Variants in CHD8 observed in about 807,000 individuals in gnomAD.
CHD8 encodes the protein ATP-dependent chromatin remodeler CHD8.
CHD8 carries 31 observed loss-of-function variants against 279.2 expected under a neutral mutation model. The observed-to-expected ratio is 0.11, with a 90% CI of 0.08 to 0.15. The LOEUF (loss-of-function observed/expected upper bound fraction) is 0.15. Ranked by LOEUF, CHD8 falls within the 10% of genes least tolerant of loss-of-function variation. The pLI, the probability that CHD8 is intolerant of heterozygous loss-of-function variation, is 1.00. For missense variants in CHD8, 2,146 were observed against 3,230.5 expected, an observed-to-expected ratio of 0.66 and a Z score of 8.14; for synonymous variants, 1,081 against 1,139.6, an observed-to-expected ratio of 0.95 and a Z score of 1.04.
In CHD8 at chr14:21,406,914, G is replaced by C; in HGVS notation, c.2849C>G (p.Ala950Gly). 6.2e-7 allele frequency: 1 copy of C among 1,613,528 alleles called. No individual in the cohort carries two copies. The highest frequency in any genetic ancestry group is 8.5e-7 in the Non-Finnish European group (1 of 1,179,716). The change falls in exon 14 of 38, where the codon GCC becomes GGC. Residue 950 changes from alanine (A) to glycine (G), a missense_variant. Around this residue, in one of 26 missense-constraint regions of CHD8, gnomAD observed 211 missense variants for 464.7 expected, o/e 0.45. Transcript: ENST00000646647. ...GCAATTACGGTTTTTCAGTCGATGG[G>C]CTTCATCAATGATAACACAACGCCA... ...IEWRCVIIDE[A>G]HRLKNRNCKL...
rs1369354810 is a variant in CHD8, at chr14:21,386,151, T to C, written c.7208A>G (p.Asn2403Ser). 3 of 1,551,922 alleles carry C rather than the reference T, an allele frequency of 1.9e-6. No individual in the cohort carries two copies. Among genetic ancestry groups the C allele is most frequent in the Non-Finnish European group, 2.6e-6 (3 of 1,147,184 alleles). Residue 2403 changes from asparagine (N) to serine (S), a missense_variant, in exon 38 of 38, where the codon AAC becomes AGC. By Grantham distance (46) the Asn-to-Ser change is conservative. Coordinates refer to ENST00000646647, the MANE Select transcript of CHD8 (RefSeq NM_001170629.2). ...TGCAATAGGCCCTGGCAAAACCCGG[T>C]TGAACACCGTTTCAGTGTGATGACC... ...KKGHHTETVF[N>S]RVLPGPIAPE...
chr14:21,391,725 T>G lies in CHD8; in HGVS notation c.6886-83A>C, dbSNP rs1348847095. ...GGGGGAGCAGGGCCAATGGTAGTCA[T>G]GAAATGACTCTAGTATTTTCCATTC... On this transcript the variant is annotated intron_variant, in intron 35 of 37. Transcript: ENST00000646647. 2.0e-6 allele frequency: 3 copies of G among 1,522,806 alleles called. No homozygotes were observed. The African/African-American group carries it at 4.1e-5, about 21-fold the overall frequency. The allele number at this position is 1,522,806 out of a possible 1,614,324, so 94.3% of individuals were successfully genotyped here.
At chr14:21,397,079 CT>C (rs1325546269) in intron 27 of CHD8, 1 of 188,014 alleles carries the variant, frequency 5.3e-6, no homozygotes, top group South Asian at 9.5e-5. Flanking sequence ...CAACTATTTA[CT>C]TTTTATTATT....
chr14:21,448,537 T>C (rs1293399545), intron 1 of CHD8, among the ~76,000 whole-genome samples: 1 of 152,102 alleles, frequency 6.6e-6, no homozygotes, highest in Non-Finnish European at 1.5e-5. Flanking sequence ...TCAAAGACAG[T>C]TTGCACACAG....
intron 30 of CHD8, 176 bp from the exon 31 acceptor site, chr14:21,394,661 G>GT (rs1170561168): frequency 3.3e-6 from 2 of 598,778 alleles, no homozygotes; most frequent in Non-Finnish European, 5.7e-6. Flanking sequence ...TCTGTAATGA[G>GT]TAAGAATTAC....
At chr14:21,399,470 C>G (rs1422413452) in intron 26 of CHD8, 132 bp downstream of exon 26, 3 of 672,472 alleles carry the variant, frequency 4.5e-6, no homozygotes, top group African/African-American at 1.8e-5. Flanking sequence ...TATTTAAGAA[C>G]TACTTTCCTA....
chr14:21,388,129 A>G (rs1270766745), intron 37 of CHD8, among the ~76,000 whole-genome samples: 2 of 152,248 alleles, frequency 1.3e-5, no homozygotes, highest in Admixed American at 6.5e-5. Context: ...TATAAAAATA[A>G]GCCTCATAAA....
chr14:21,398,856 T>C (rs1887906257), intron 26 of CHD8: 1 of 241,126 alleles, frequency 4.1e-6, no homozygotes, highest in Middle Eastern at 1.6e-3. Context: ...TTTAGACAAA[T>C]GGGACATGTA....
At chr14:21,386,245 A>G (rs1280433840) in intron 37 of CHD8, 69 bp from the exon 38 acceptor site, 2 of 1,413,088 alleles carry the variant, frequency 1.4e-6, no homozygotes, top group African/African-American at 2.9e-5. Context: ...CAAAGCCAAC[A>G]GAGTCCTAGC....
At chr14:21,417,963 G>A (rs1010524929) in intron 5 of CHD8, among the ~76,000 whole-genome samples, 3 of 150,372 alleles carry the variant, frequency 2.0e-5, no homozygotes, top group Non-Finnish European at 4.4e-5. Context: ...TGTTGAAGAT[G>A]TGTATCAACC....
Position 21,395,719 on chromosome 14 carries a change from T to G in CHD8, c.5127+98A>C, listed in dbSNP as rs577253665. 3.8e-6 allele frequency: 3 copies of G among 779,918 alleles called. No individual in the cohort carries two copies. In the South Asian group the frequency reaches 5.0e-5, roughly 13 times the overall value. 48.3% of individuals were successfully genotyped at this position (779,918 alleles called of 1,614,324 possible). A position where few individuals can be genotyped will look rare whatever the true frequency, so the allele number is the denominator to read the frequency against. On this transcript the variant is annotated intron_variant, in intron 28 of 37. Transcript: ENST00000646647. Reference sequence around the variant, plus strand: ...GTATAATTCATTTTCCATTTTGTATTATAAATTAACCAATATATTTCAAGA... The same window carrying G: ...GTATAATTCATTTTCCATTTTGTATGATAAATTAACCAATATATTTCAAGA...
At chr14:21,416,446 A>G (rs1888728879) in intron 5 of CHD8, 1 of 152,314 alleles carries the variant, frequency 6.6e-6, no homozygotes, top group Admixed American at 6.5e-5. Flanking sequence ...AAGTAATTTA[A>G]GCAACACTTC....
chr14:21,431,888 A>G (rs1889579126), intron 1 of CHD8, 30 bp from the exon 2 acceptor site: 3 of 1,517,182 alleles, frequency 2.0e-6, no homozygotes, highest in Non-Finnish European at 2.7e-6. Flanking sequence ...ACAAATGAAA[A>G]ATAGGCAAAG....
intron 8 of CHD8, 35 bp from the exon 9 acceptor site, chr14:21,414,453 G>C (rs1382167731): frequency 8.9e-7 from 1 of 1,123,458 alleles, no homozygotes; most frequent in Non-Finnish European, 1.3e-6. Flanking sequence ...CATGGTGCAA[G>C]TAAAAGAAGG....
chr14:21,396,074 G>A (rs978724049), intron 27 of CHD8, among the ~76,000 whole-genome samples, 182 bp from the exon 28 acceptor site: 6 of 152,070 alleles, frequency 3.9e-5, no homozygotes, highest in Non-Finnish European at 5.9e-5. Flanking sequence ...ACAGCTCACC[G>A]TAGCCTCAAC....
chr14:21,435,080 C>T (rs988422628), intron 1 of CHD8, among the ~76,000 whole-genome samples: 2 of 152,148 alleles, frequency 1.3e-5, no homozygotes, highest in African/African-American at 4.8e-5. Context: ...CAGTGTTGGC[C>T]CACCAGTCCC....
In CHD8 at chr14:21,406,751, C is replaced by A. The variant is rs1594348859; in HGVS notation, c.2907+105G>T. 2.9e-6 allele frequency: 3 copies of A among 1,025,766 alleles called. No homozygotes were observed. The East Asian group carries it at 7.8e-5, about 27-fold the overall frequency. The allele number at this position is 1,025,766 out of a possible 1,614,324, so 63.5% of individuals were successfully genotyped here. A position where few individuals can be genotyped will look rare whatever the true frequency, so the allele number is the denominator to read the frequency against. On this transcript the variant is annotated intron_variant, in intron 14 of 37. Transcript: ENST00000646647. ...ATAGGTCATCCCCACTGTTCAATAC[C>A]ACGATTCAGACTTTTCTTCTCTGCT...
In CHD8 at chr14:21,397,901, T is replaced by C; in HGVS notation, c.4973A>G (p.Glu1658Gly). The change falls in exon 27 of 38, where the codon GAA (glutamate) becomes GGA (glycine). Residue 1658 changes from glutamate to glycine, a missense_variant. Transcript: ENST00000646647. ...TTTGTCATCTGGTCGGCCAGCCTTT[T>C]CTAGGAAACATAAGGCTGGGTCTGC... is the stretch of plus-strand genomic sequence containing the variant. The part of the protein sequence containing the change: ...MRADPALCFL[E>G]KAGRPDDKAI... 1 of 1,612,260 alleles carries C rather than the reference T, an allele frequency of 6.2e-7. No individual in the cohort carries two copies. Among genetic ancestry groups the C allele is most frequent in the Non-Finnish European group, 8.5e-7 (1 of 1,179,008 alleles).
intron 1 of CHD8, among the ~76,000 whole-genome samples, chr14:21,438,507 T>C (rs112177377): frequency 0.13 from 10,502 of 79,168 alleles, 919 homozygotes; most frequent in African/African-American, 0.32. Context: ...TAACACCTAG[T>C]CTCTTAAAAA....
Sources: allele counts gnomAD v4.1 joint callset (sites outside exome capture counted in the v4.1 genomes callset), GRCh38; gene constraint gnomAD v4.1.1; regional missense constraint gnomAD v4.1.1; transcripts MANE v1.5; gene names NCBI Gene and HGNC (gene_info 2026-07-23, HGNC 2026-07-21).